Variants in GUF1 observed in about 807,000 individuals in gnomAD.
GUF1 encodes the protein GTP binding elongation factor GUF1.
GUF1 carries 78 observed loss-of-function variants against 82.4 expected under a neutral mutation model. The ratio of observed to expected loss-of-function variants is 0.95; its 90% CI spans 0.79 to 1.14. The LOEUF is 1.14. Among genes scored for constraint, GUF1 ranks in the 50% most tolerant of loss-of-function variants. GUF1 has a pLI of 0.00. For missense variants in GUF1, 814 were observed against 798.2 expected (o/e 1.02, Z -0.24); for synonymous variants, 279 against 282.3 (o/e 0.99, Z 0.12).
chr4:44,684,447 A>C (rs892838274), intron 6 of GUF1, among the ~76,000 whole-genome samples: 1 of 152,128 alleles, frequency 6.6e-6, no homozygotes, highest in African/African-American at 2.4e-5. Context: ...GCAGGAATCA[A>C]GTCATGCTGG....
intron 6 of GUF1, among the ~76,000 whole-genome samples, chr4:44,684,180 C>A (rs1714923655): frequency 6.6e-6 from 1 of 152,064 alleles, no homozygotes; most frequent in African/African-American, 2.4e-5. Flanking sequence ...CAAGGAAATT[C>A]ATTCGACAAA....
chr4:44,694,826 A>G (rs1715693245), intron 14 of GUF1, among the ~76,000 whole-genome samples: 1 of 149,548 alleles, frequency 6.7e-6, no homozygotes, highest in African/African-American at 2.5e-5. Context: ...TTTTTTTTTT[A>G]GATGGGAGTC....
Position 44,681,104 on chromosome 4 carries a change from C to A in GUF1, c.427-19C>A. 6.3e-7 allele frequency: 1 copy of A among 1,589,490 alleles called. No individual in the cohort carries two copies. Among genetic ancestry groups the A allele is most frequent in the South Asian group, 1.1e-5 (1 of 90,396 alleles). On this transcript the variant is annotated intron_variant, in intron 3 of 16. Coordinates refer to ENST00000281543, the MANE Select transcript of GUF1 (RefSeq NM_021927.3). Reference sequence around the variant, plus strand: ...AAAATTAACTCACATTTACAGGTATCAATATTTTTGTTTCTCAGGGCCATG... The same window carrying A: ...AAAATTAACTCACATTTACAGGTATAAATATTTTTGTTTCTCAGGGCCATG...
At chr4:44,679,930 CTTTT>C (rs1431761041) in intron 1 of GUF1, among the ~76,000 whole-genome samples, 1 of 152,062 alleles carries the variant, frequency 6.6e-6, no homozygotes, top group Non-Finnish European at 1.5e-5. Context: ...TGGATGTCAT[CTTTT>C]TTTCTTTCTC....
Position 44,698,528 on chromosome 4 carries a change from T to G in GUF1, c.1873-16T>G, listed in dbSNP as rs1385328502. Reference sequence around the variant, plus strand: ...TAGAGTGACTTAGACTTCCAATGTTTTAAAATATTTTTCAGTATGGTGGTG... The same window carrying G: ...TAGAGTGACTTAGACTTCCAATGTTGTAAAATATTTTTCAGTATGGTGGTG... On this transcript the variant is annotated splice_polypyrimidine_tract_variant and intron_variant, in intron 16 of 16. Transcript: ENST00000281543. 6.4e-7 allele frequency: 1 copy of G among 1,572,082 alleles called. No homozygotes were observed. The highest frequency in any genetic ancestry group is 1.2e-5 in the South Asian group (1 of 84,302).
At chr4:44,685,841 C>T in intron 6 of GUF1, 118 bp from the exon 7 acceptor site, 1 of 619,638 alleles carries the variant, frequency 1.6e-6, no homozygotes, top group Non-Finnish European at 2.8e-6. Context: ...TGGTGTATTT[C>T]TCAAATTGAT....
chr4:44,695,804 T>G (rs187333661), intron 15 of GUF1, 70 bp downstream of exon 15: 49 of 1,463,758 alleles, frequency 3.3e-5, no homozygotes, highest in Non-Finnish European at 4.2e-5. Flanking sequence ...GAAAGAATAT[T>G]GAACATTTTA....
In GUF1 at chr4:44,678,564, A is replaced by C; in HGVS notation, c.-59A>C. ...CTACGGGGGGTACCTTCGAAAAAAA[A>C]CGGGCTATGCTGCTGTTGCGTGTGG... On this transcript the variant is annotated 5_prime_UTR_variant, in exon 1 of 17. Transcript: ENST00000281543. 1 of 1,349,634 alleles carries C rather than the reference A, an allele frequency of 7.4e-7. No homozygotes were observed. The highest frequency in any genetic ancestry group is 9.6e-7 in the Non-Finnish European group (1 of 1,036,528). The allele number at this position is 1,349,634 out of a possible 1,614,324, so 83.6% of individuals were successfully genotyped here. A position where few individuals can be genotyped will look rare whatever the true frequency, so the allele number is the denominator to read the frequency against.
rs760685808 is a variant in GUF1, at chr4:44,683,317, A to AG, written c.669+1dup. On this transcript the variant is annotated frameshift_variant and splice_region_variant, in exon 6 of 17. Coordinates refer to ENST00000281543, the MANE Select transcript of GUF1 (RefSeq NM_021927.3). LOFTEE classifies it high-confidence loss of function. ...GATATTCCAAGTGATGAATGTATTA[A>AG]GGTAAAATACGTTCCTAAAAAGATT... 6.2e-5 allele frequency: 95 copies of AG among 1,525,784 alleles called. No individual in the cohort carries two copies. The highest frequency in any genetic ancestry group is 7.6e-5 in the Non-Finnish European group (85 of 1,120,968). 94.5% of individuals were successfully genotyped at this position (1,525,784 alleles called of 1,614,324 possible). A position where few individuals can be genotyped will look rare whatever the true frequency, so the allele number is the denominator to read the frequency against.
At position 44,689,361 on chromosome 4, in the gene GUF1, G is replaced by A. The variant is rs1361617614; in HGVS notation, c.1154G>A (p.Ser385Asn). The A allele has an allele frequency of 4.3e-6, 7 of 1,610,076 alleles. No individual in the cohort carries two copies. The highest frequency in any genetic ancestry group is 5.9e-6 in the Non-Finnish European group (7 of 1,177,556). ...AIEKLTLNDSSVTVHRDSSLA... is the reference protein window; with the variant it reads ...AIEKLTLNDSNVTVHRDSSLA... ...GAAAAACTGACTTTAAATGATTCCA[G>A]TGTGACCGTTCATCGGGATAGTAGC... is the stretch of plus-strand genomic sequence containing the variant. The change falls in exon 10 of 17, where the codon AGT becomes AAT. Residue 385 changes from serine (S) to asparagine (N), a missense_variant. Physicochemically the swap from Ser to Asn is conservative, Grantham distance 46. Transcript: ENST00000281543.
Position 44,680,835 on chromosome 4 carries a change from A to C in GUF1, c.419A>C (p.Asp140Ala), listed in dbSNP as rs758642701. ...AAGCAGTACCTTTTAAATCTCATTG[A>C]TACACCGGTAAGTTTAATATTAATT... ...EGKQYLLNLIDTPGHVDFSYE... is the reference protein window; with the variant it reads ...EGKQYLLNLIATPGHVDFSYE... Residue 140 changes from aspartate to alanine, a missense_variant, in exon 3 of 17, where the codon GAT becomes GCT. Coordinates refer to ENST00000281543, the MANE Select transcript of GUF1 (RefSeq NM_021927.3). 1.2e-6 allele frequency: 2 copies of C among 1,606,290 alleles called. No individual in the cohort carries two copies. The highest frequency in any genetic ancestry group is 2.2e-5 in the South Asian group (2 of 89,956).
chr4:44,681,436 AT>A (rs1268854953), intron 4 of GUF1, among the ~76,000 whole-genome samples: 1 of 151,964 alleles, frequency 6.6e-6, no homozygotes, highest in Non-Finnish European at 1.5e-5. Flanking sequence ...AGATTGTTGT[AT>A]TTTTTTGAAG....
intron 13 of GUF1, among the ~76,000 whole-genome samples, chr4:44,692,478 G>A (rs533013564): frequency 3.7e-4 from 56 of 151,792 alleles, no homozygotes; most frequent in Middle Eastern, 3.4e-3. Context: ...CTTATGTTAC[G>A]GGATAGTATA....
chr4:44,694,261 C>A (rs1405149283), intron 13 of GUF1, 151 bp from the exon 14 acceptor site: 1 of 613,498 alleles, frequency 1.6e-6, no homozygotes, highest in Non-Finnish European at 2.9e-6. Flanking sequence ...GATCCATTCA[C>A]AAGAAACTGT....
chr4:44,680,590 G>T, intron 2 of GUF1, 38 bp downstream of exon 2: 1 of 1,461,178 alleles, frequency 6.8e-7, no homozygotes, highest in South Asian at 1.3e-5. Flanking sequence ...TGATGGCTGC[G>T]AGTTATTGGG....
intron 8 of GUF1, 103 bp downstream of exon 8, chr4:44,686,816 TAAAAA>T (rs996580913): frequency 2.6e-6 from 2 of 760,162 alleles, no homozygotes; most frequent in Admixed American, 2.2e-5. Flanking sequence ...TTTGGTAACT[TAAAAA>T]AAACTATTTA....
chr4:44,695,760 T>G, intron 15 of GUF1, 26 bp downstream of exon 15: 2 of 1,603,638 alleles, frequency 1.2e-6, no homozygotes, highest in Non-Finnish European at 1.7e-6. Context: ...TTTTTGGTCT[T>G]GAGCCAGTTT....
intron 4 of GUF1, chr4:44,682,090 ACTGT>A (rs1260278921): frequency 5.1e-5 from 15 of 294,792 alleles, no homozygotes; most frequent in South Asian, 4.1e-4. Flanking sequence ...AGCTTAGTAG[ACTGT>A]CTGTTGGCTC....
chr4:44,678,660 G>C lies in GUF1; in HGVS notation c.38G>C (p.Arg13Pro). 6.7e-7 allele frequency: 1 copy of C among 1,487,244 alleles called. No individual in the cohort carries two copies. The highest frequency in any genetic ancestry group is 1.5e-5 in the African/African-American group (1 of 67,474). 92.1% of individuals were successfully genotyped at this position (1,487,244 alleles called of 1,614,324 possible). Residue 13 changes from arginine to proline, a missense_variant, in exon 1 of 17, where the codon CGC becomes CCC. Coordinates refer to ENST00000281543, the MANE Select transcript of GUF1 (RefSeq NM_021927.3). ...GTGGGTCGGGGCTGGGGGTGCGCAC[G>C]CGCTCTCGCGCCACGAGCCACTGGG... ...TLVGRGWGCARALAPRATGAA... is the reference protein window; with the variant it reads ...TLVGRGWGCAPALAPRATGAA...
Sources: allele counts gnomAD v4.1 joint callset (sites outside exome capture counted in the v4.1 genomes callset), GRCh38; gene constraint gnomAD v4.1.1; transcripts MANE v1.5; gene names NCBI Gene and HGNC (gene_info 2026-07-23, HGNC 2026-07-21).